SAMD12: variants seen among roughly 807,000 people sequenced by gnomAD.
SAMD12 encodes the protein sterile alpha motif domain containing 12, also known as sterile alpha motif domain-containing protein 12.
SAMD12 carries 9 observed loss-of-function variants against 15.0 expected under a neutral mutation model. The ratio of observed to expected loss-of-function variants is 0.60; its 90% CI spans 0.36 to 1.05. The LOEUF is 1.05. SAMD12 is among the 50% of genes least tolerant of loss of function. SAMD12 has a pLI of 0.01. For missense variants in SAMD12, 230 were observed against 234.2 expected (o/e 0.98, Z 0.12); for synonymous variants, 86 against 90.1 (o/e 0.96, Z 0.25).
In SAMD12 at chr8:118,507,446, G is replaced by A. The variant is rs534633773; in HGVS notation, c.193-67485C>T. Among the ~76,000 whole-genome samples, 244 of 152,100 alleles carry A rather than the reference G, an allele frequency of 1.6e-3. 1 individual carries two copies. Among genetic ancestry groups the A allele is most frequent in the Middle Eastern group, 3.4e-3 (1 of 294 alleles). On this transcript the variant is annotated intron_variant, in intron 2 of 3. Transcript: ENST00000314727. ...TGAGGGTTTATGATGTACCGAGCCT[G>A]ATACCAAGCATGGTATGACCTCATC... is the stretch of plus-strand genomic sequence containing the variant.
chr8:118,356,057 G>A (rs1227907623), intron 4 of SAMD12, among the ~76,000 whole-genome samples: 2 of 152,196 alleles, frequency 1.3e-5, no homozygotes, highest in East Asian at 3.8e-4. Context: ...CGTGTTCTTA[G>A]AAGTAGAACC....
At chr8:118,259,907 C>T (rs936753647) in intron 4 of SAMD12, among the ~76,000 whole-genome samples, 1 of 152,116 alleles carries the variant, frequency 6.6e-6, no homozygotes, top group Non-Finnish European at 1.5e-5. Flanking sequence ...AATGTTAATA[C>T]ATTAAAATAA....
chr8:118,288,450 G>A (rs1814174277), intron 4 of SAMD12: 1 of 152,030 alleles, frequency 6.6e-6, no homozygotes, highest in Non-Finnish European at 1.5e-5. Context: ...CCTCATCATT[G>A]TATTTTTCTA....
At chr8:118,553,978 G>C (rs1323271764) in intron 2 of SAMD12, among the ~76,000 whole-genome samples, 56 of 152,048 alleles carry the variant, frequency 3.7e-4, no homozygotes, top group African/African-American at 1.4e-3. Context: ...CAAAACCACA[G>C]TGAGATATCA....
intron 3 of SAMD12, among the ~76,000 whole-genome samples, chr8:118,409,178 A>G (rs1821277818): frequency 6.6e-6 from 1 of 152,142 alleles, no homozygotes; most frequent in African/African-American, 2.4e-5. Flanking sequence ...ATCTTCACTG[A>G]TACAGAAAGT....
exon 5 of SAMD12, chr8:118,190,720 T>C (rs901304584): frequency 1.3e-5 from 2 of 152,128 alleles, no homozygotes; most frequent in African/African-American, 4.8e-5. Flanking sequence ...ACAGTATAGC[T>C]TCTTCCCTTA....
intron 1 of SAMD12, among the ~76,000 whole-genome samples, chr8:118,615,521 G>A (rs1165549730): frequency 6.6e-6 from 1 of 152,128 alleles, no homozygotes; most frequent in Non-Finnish European, 1.5e-5. Context: ...TCAACAGAAA[G>A]GCACCATCTG....
chr8:118,180,883 T>G, the SAMD12 span, among the ~76,000 whole-genome samples: 2 of 152,110 alleles, frequency 1.3e-5, no homozygotes, highest in Non-Finnish European at 2.9e-5. Context: ...CTTCCTTTGC[T>G]TATGGGCCTG....
chr8:118,523,522 T>A (rs972475944), intron 2 of SAMD12, among the ~76,000 whole-genome samples: 12 of 152,162 alleles, frequency 7.9e-5, no homozygotes, highest in African/African-American at 2.9e-4. Context: ...TTACATGGAA[T>A]ACTTTCCTCT....
chr8:118,251,205 G>C (rs944332788), intron 4 of SAMD12, among the ~76,000 whole-genome samples: 14 of 152,072 alleles, frequency 9.2e-5, no homozygotes, highest in African/African-American at 3.4e-4. Context: ...AGTGATCTAT[G>C]ATTATTACTA....
chr8:118,586,080 C>T (rs1415189713), intron 1 of SAMD12, among the ~76,000 whole-genome samples: 1 of 152,126 alleles, frequency 6.6e-6, no homozygotes, highest in Non-Finnish European at 1.5e-5. Flanking sequence ...TGTGAAAACA[C>T]TCCCAGTTGC....
the SAMD12 span, among the ~76,000 whole-genome samples, chr8:118,153,673 C>T: frequency 6.6e-6 from 1 of 152,158 alleles, no homozygotes; most frequent in African/African-American, 2.4e-5. Flanking sequence ...TGAACTTGCC[C>T]TTTGATACTG....
At chr8:118,552,207 G>T (rs373587003) in intron 2 of SAMD12, among the ~76,000 whole-genome samples, 12 of 151,856 alleles carry the variant, frequency 7.9e-5, no homozygotes, top group African/African-American at 2.4e-4. Flanking sequence ...TACCAAAGCC[G>T]GGCAGAGACA....
At chr8:118,197,378 G>A in exon 5 of SAMD12, 1 of 385,698 alleles carries the variant, frequency 2.6e-6, no homozygotes, top group East Asian at 4.3e-5. Context: ...GCTAAAACAG[G>A]ACTTCTAGTG....
intron 4 of SAMD12, among the ~76,000 whole-genome samples, chr8:118,337,553 G>A (rs920747631): frequency 1.2e-4 from 18 of 152,060 alleles, no homozygotes; most frequent in Admixed American, 6.5e-5. Flanking sequence ...AAAAATAAAC[G>A]ATTCATAAGT....
At chr8:118,304,438 A>G (rs1224639244) in intron 4 of SAMD12, among the ~76,000 whole-genome samples, 1 of 152,198 alleles carries the variant, frequency 6.6e-6, no homozygotes, top group Admixed American at 6.5e-5. Context: ...TTTTTCAATC[A>G]GTAAATACAT....
chr8:118,487,285 A>T (rs1824317600), intron 2 of SAMD12, among the ~76,000 whole-genome samples: 2 of 152,168 alleles, frequency 1.3e-5, no homozygotes, highest in Admixed American at 1.3e-4. Context: ...ATAAGACTTG[A>T]GCACTAAGCT....
intron 2 of SAMD12, among the ~76,000 whole-genome samples, chr8:118,551,254 A>T (rs1167672123): frequency 6.6e-6 from 1 of 150,802 alleles, no homozygotes; most frequent in Non-Finnish European, 1.5e-5. Flanking sequence ...CACCTATTCC[A>T]AAACTGAACA....
intron 2 of SAMD12, among the ~76,000 whole-genome samples, chr8:118,562,743 G>T (rs1433778360): frequency 6.6e-6 from 1 of 152,206 alleles, no homozygotes; most frequent in Non-Finnish European, 1.5e-5. Context: ...ATTTATTTAG[G>T]ATTAAAAGGA....
Sources: allele counts gnomAD v4.1 joint callset (sites outside exome capture counted in the v4.1 genomes callset), GRCh38; gene constraint gnomAD v4.1.1; transcripts MANE v1.5; gene names NCBI Gene and HGNC (gene_info 2026-07-23, HGNC 2026-07-21).